Variants in ZNF385D observed in about 807,000 individuals in gnomAD.
ZNF385D encodes the protein zinc finger protein 659.
A neutral mutation model predicts 35.8 loss-of-function variants in ZNF385D; 15 were observed. The ratio of observed to expected loss-of-function variants is 0.42; its 90% CI spans 0.28 to 0.64. The LOEUF is 0.64. Among genes scored for constraint, ZNF385D ranks in the 30% least tolerant of loss-of-function variants. The probability of loss-of-function intolerance (pLI) is 0.23; values close to 1 mark genes in which losing one functional copy is unlikely to be tolerated. For missense variants in ZNF385D, 474 were observed against 494.6 expected (o/e 0.96, Z 0.39); for synonymous variants, 212 against 186.8 (o/e 1.13, Z -1.10).
At chr3:21,745,165 T>C (rs1411799781) in intron 1 of ZNF385D, among the ~76,000 whole-genome samples, 1 of 152,198 alleles carries the variant, frequency 6.6e-6, no homozygotes, top group Non-Finnish European at 1.5e-5. Context: ...CAGACAGCAT[T>C]TTCTGTGAGC....
intron 3 of ZNF385D, among the ~76,000 whole-genome samples, chr3:22,013,982 T>G (rs1475876903): frequency 6.6e-6 from 1 of 152,102 alleles, no homozygotes; most frequent in African/African-American, 2.4e-5. Context: ...GACCAAATGT[T>G]TGAGGAAAAT....
intron 3 of ZNF385D, among the ~76,000 whole-genome samples, chr3:22,100,019 A>G (rs192913880): frequency 0.017 from 2,571 of 152,020 alleles, 72 homozygotes; most frequent in African/African-American, 0.058. Context: ...AAAAGTGGGC[A>G]AAGGATATGA....
intron 3 of ZNF385D, chr3:21,542,674 C>CT (rs2062214329): frequency 6.6e-6 from 1 of 152,240 alleles, no homozygotes; most frequent in African/African-American, 2.4e-5. Flanking sequence ...TGGACAAACT[C>CT]TAATCAGCCT....
chr3:21,945,176 TGAGA>T (rs766738135), intron 3 of ZNF385D, among the ~76,000 whole-genome samples: 4 of 150,058 alleles, frequency 2.7e-5, no homozygotes, highest in South Asian at 2.1e-4. Flanking sequence ...ATATATATAG[TGAGA>T]GAGAGAGAGA....
chr3:22,184,688 G>T (rs554189507), intron 2 of ZNF385D, among the ~76,000 whole-genome samples: 1 of 152,128 alleles, frequency 6.6e-6, no homozygotes, highest in Admixed American at 6.6e-5. Context: ...TTAGCCAGGC[G>T]TGGTGGCAGG....
At chr3:21,943,302 G>A (rs905356426) in intron 3 of ZNF385D, among the ~76,000 whole-genome samples, 30 of 151,594 alleles carry the variant, frequency 2.0e-4, no homozygotes, top group Non-Finnish European at 5.9e-5. Context: ...ATAGATGTGT[G>A]TGTGTGTATA....
intron 2 of ZNF385D, among the ~76,000 whole-genome samples, chr3:22,303,758 C>T (rs1703049014): frequency 6.6e-6 from 1 of 151,888 alleles, no homozygotes; most frequent in South Asian, 2.1e-4. Flanking sequence ...GTGTTTTTGG[C>T]ATTTACTTCT....
intron 2 of ZNF385D, among the ~76,000 whole-genome samples, chr3:22,257,908 A>G (rs1000677884): frequency 6.6e-5 from 10 of 151,888 alleles, no homozygotes; most frequent in African/African-American, 2.4e-4. Flanking sequence ...TAGGTTACCA[A>G]TGCTACAAAA....
In ZNF385D at chr3:21,813,843, T is replaced by C. The variant is rs1559648923; in HGVS notation, c.326-148815A>G. Reference sequence around the variant, plus strand: ...CAGGCCAACATTGAAATTCAGGAAATACAGAGAATGCCACAAAGATAGTCC... The same window carrying C: ...CAGGCCAACATTGAAATTCAGGAAACACAGAGAATGCCACAAAGATAGTCC... On this transcript the variant is annotated intron_variant, in intron 3 of 5. Coordinates refer to the ZNF385D transcript ENST00000494108. 2.6e-5 allele frequency among the ~76,000 whole-genome samples: 4 copies of C among 151,836 alleles called. No individual in the cohort carries two copies. The South Asian group carries it at 8.3e-4, about 32-fold the overall frequency.
chr3:22,048,764 T>C (rs562039657), intron 3 of ZNF385D, among the ~76,000 whole-genome samples: 1 of 152,330 alleles, frequency 6.6e-6, no homozygotes, highest in South Asian at 2.1e-4. Context: ...TAGGATTGTT[T>C]TTTCCATTTA....
At chr3:22,117,867 A>C (rs1043295071) in intron 3 of ZNF385D, among the ~76,000 whole-genome samples, 1 of 152,072 alleles carries the variant, frequency 6.6e-6, no homozygotes, top group East Asian at 1.9e-4. Context: ...ACAATCATTT[A>C]AAGGATTTGT....
At chr3:22,231,269 C>T (rs1460221590) in intron 2 of ZNF385D, among the ~76,000 whole-genome samples, 2 of 152,170 alleles carry the variant, frequency 1.3e-5, no homozygotes, top group African/African-American at 4.8e-5. Flanking sequence ...CCAAGGGCCA[C>T]TGACTCACTG....
intron 3 of ZNF385D, among the ~76,000 whole-genome samples, chr3:22,010,345 T>A (rs1481034977): frequency 1.3e-5 from 2 of 152,180 alleles, no homozygotes; most frequent in Non-Finnish European, 2.9e-5. Flanking sequence ...TTCACAAGTG[T>A]TCTATACACA....
At chr3:21,755,586 T>G (rs1379009907), upstream of ZNF385D, among the ~76,000 whole-genome samples, 1 of 152,226 alleles carries the variant, frequency 6.6e-6, no homozygotes, top group Non-Finnish European at 1.5e-5. Context: ...AAAGACTAAA[T>G]GAGGTGTTGT....
intron 2 of ZNF385D, among the ~76,000 whole-genome samples, chr3:22,367,929 G>A (rs548881213): frequency 1.3e-5 from 2 of 152,154 alleles, no homozygotes; most frequent in African/African-American, 4.8e-5. Flanking sequence ...TTATTCTCAT[G>A]GGGACAAATA....
chr3:21,721,586 C>T (rs547849386), intron 1 of ZNF385D, among the ~76,000 whole-genome samples: 2 of 152,004 alleles, frequency 1.3e-5, no homozygotes, highest in East Asian at 3.9e-4. Flanking sequence ...GGTAGGCTAC[C>T]TAATTTACTT....
At chr3:22,145,010 A>ATGTGTGTGTG (rs36060381) in intron 3 of ZNF385D, among the ~76,000 whole-genome samples, 3,988 of 148,990 alleles carry the variant, frequency 0.027, 173 homozygotes, top group African/African-American at 0.092. Context: ...GAAGATACAT[A>ATGTGTGTGTG]TGTGTGTGTG....
rs189478677 is a variant in ZNF385D, at chr3:22,190,624, G to A, written c.107-21589C>T. On this transcript the variant is annotated intron_variant, in intron 2 of 5. Transcript: ENST00000494108. ...GATATGGGACAAGCCAACTAGGACC[G>A]TCTGGAGTAATCTGGTATTGAAGGA... is the stretch of plus-strand genomic sequence containing the variant. Among the ~76,000 whole-genome samples, 641 of 152,278 alleles carry A rather than the reference G, an allele frequency of 4.2e-3. 9 individuals are homozygous for A. Among genetic ancestry groups the A allele is most frequent in the Non-Finnish European group, 4.3e-3 (292 of 68,028 alleles).
rs2063925041 is a variant in ZNF385D at position 21,590,066 on chromosome 3, G to GTCTT, written c.166-25386_166-25383dup. Among the ~76,000 whole-genome samples, 4 of 152,060 alleles carry GTCTT rather than the reference G, an allele frequency of 2.6e-5. No homozygotes were observed. The South Asian group carries it at 8.3e-4, about 32-fold the overall frequency. On this transcript the variant is annotated intron_variant, in intron 2 of 7. Transcript: ENST00000281523. ...ATGTGCAAGAGCATTATTAACAGAA[G>GTCTT]TCTTTGTAACAGCAAAAGCATGGAT...
Sources: allele counts gnomAD v4.1 joint callset (sites outside exome capture counted in the v4.1 genomes callset), GRCh38; gene constraint gnomAD v4.1.1; transcripts MANE v1.5; gene names NCBI Gene and HGNC (gene_info 2026-07-23, HGNC 2026-07-21).